The following ABLIM3 variants were observed in gnomAD, a reference collection of about 807,000 sequenced individuals.
ABLIM3 encodes actin-binding LIM protein 3.
A neutral mutation model predicts 109.5 loss-of-function variants in ABLIM3; 61 were observed. The ratio of observed to expected loss-of-function variants is 0.56; its 90% CI spans 0.45 to 0.69. The LOEUF (loss-of-function observed/expected upper bound fraction) is 0.69, where lower values mean the gene tolerates loss of function less well. ABLIM3 is among the 30% of genes least tolerant of loss of function. The pLI is 0.00. For missense variants in ABLIM3, 796 were observed against 889.5 expected, an observed-to-expected ratio of 0.89 and a Z score of 1.34; for synonymous variants, 300 against 324.8, an observed-to-expected ratio of 0.92 and a Z score of 0.82.
At position 149,175,620 on chromosome 5, in the gene ABLIM3, G is replaced by C. The variant is rs547411853; in HGVS notation, c.14-7832G>C. Among the ~76,000 whole-genome samples the C allele has an allele frequency of 7.2e-5, 11 of 152,246 alleles. No individual in the cohort carries two copies. The East Asian group carries it at 1.2e-3, about 16-fold the overall frequency. On this transcript the variant is annotated intron_variant, in intron 2 of 23. Coordinates refer to ENST00000309868, the MANE Select transcript of ABLIM3 (RefSeq NM_014945.5). ...AGGAGGAAAGAAGAGAGGAAGGAGG[G>C]GCGGGCAATCCGGCAGCTGAAACTT...
At chr5:149,166,525 T>G (rs1185705806) in intron 2 of ABLIM3, among the ~76,000 whole-genome samples, 1 of 152,224 alleles carries the variant, frequency 6.6e-6, no homozygotes, top group Non-Finnish European at 1.5e-5. Flanking sequence ...CCCAGTATGT[T>G]AGAGAATTAG....
chr5:149,250,913 G>A (rs894817790), intron 20 of ABLIM3, among the ~76,000 whole-genome samples: 3 of 152,168 alleles, frequency 2.0e-5, no homozygotes, highest in Non-Finnish European at 2.9e-5. Context: ...GCCCAGGCCA[G>A]CTGATCCCAC....
At position 149,202,265 on chromosome 5, in the gene ABLIM3, C is replaced by T. The variant is rs79455066; in HGVS notation, c.448+1837C>T. Reference sequence around the variant, plus strand: ...AAGAGAGGCTCCCAAATGTGTCCACCATAATTTGGATGATTAGGAGGTGGA... The same window carrying T: ...AAGAGAGGCTCCCAAATGTGTCCACTATAATTTGGATGATTAGGAGGTGGA... On this transcript the variant is annotated intron_variant, in intron 5 of 23. Transcript: ENST00000309868. 6.9e-3 allele frequency among the ~76,000 whole-genome samples: 1,045 copies of T among 152,206 alleles called. 8 individuals are homozygous for T. The highest frequency in any genetic ancestry group is 0.024 in the African/African-American group (999 of 41,524).
Position 149,250,486 on chromosome 5 carries a change from G to A in ABLIM3, c.1769G>A (p.Arg590Gln), listed in dbSNP as rs1486755235. The change falls in exon 20 of 24, where the codon CGA (arginine) becomes CAA (glutamine). Residue 590 changes from arginine (R) to glutamine (Q), a missense_variant. Coordinates refer to ENST00000309868, the MANE Select transcript of ABLIM3 (RefSeq NM_014945.5). ...AAATCTGCCTCCCTGCCTGCCTACC[G>A]AAGAAATGGGCTGCACAGGGTAAGA... ...ISKSASLPAY[R>Q]RNGLHRTPSA... 6.2e-6 allele frequency: 10 copies of A among 1,614,178 alleles called. No homozygotes were observed. The highest frequency in any genetic ancestry group is 1.3e-5 in the African/African-American group (1 of 75,056).
chr5:149,200,528 T>A, intron 5 of ABLIM3, 100 bp downstream of exon 5: 1 of 1,278,958 alleles, frequency 7.8e-7, no homozygotes, highest in African/African-American at 1.5e-5. Flanking sequence ...TGGAGGGAAG[T>A]GGGAGAGGTT....
At chr5:149,226,718 C>T (rs955903789) in intron 8 of ABLIM3, among the ~76,000 whole-genome samples, 1 of 152,152 alleles carries the variant, frequency 6.6e-6, no homozygotes, top group African/African-American at 2.4e-5. Flanking sequence ...TACTTGTAAC[C>T]TCTAGAATGC....
intron 13 of ABLIM3, chr5:149,240,452 T>A (rs546184157): frequency 1.7e-6 from 1 of 580,510 alleles, no homozygotes; most frequent in African/African-American, 1.9e-5. Flanking sequence ...TCACAAAATC[T>A]GACTTTGGGA....
chr5:149,212,591 A>G (rs1561593063), intron 7 of ABLIM3, among the ~76,000 whole-genome samples: 2 of 152,206 alleles, frequency 1.3e-5, no homozygotes, highest in Non-Finnish European at 2.9e-5. Context: ...GCCCAGCCCT[A>G]TGGAAGTAGA....
At position 149,171,278 on chromosome 5, in the gene ABLIM3, T is replaced by G. The variant is rs1267963960; in HGVS notation, c.14-12174T>G. On this transcript the variant is annotated intron_variant, in intron 2 of 23. Coordinates refer to ENST00000309868, the MANE Select transcript of ABLIM3 (RefSeq NM_014945.5). ...CTTTACATCTCCACACTGTTTAGTC[T>G]CATTTTATTAGTAGTATTACTATCA... 2.0e-5 allele frequency among the ~76,000 whole-genome samples: 3 copies of G among 152,360 alleles called. No individual in the cohort carries two copies. The East Asian group carries it at 5.8e-4, about 29-fold the overall frequency.
At chr5:149,180,847 A>T (rs1195151494) in intron 2 of ABLIM3, among the ~76,000 whole-genome samples, 1 of 152,104 alleles carries the variant, frequency 6.6e-6, no homozygotes, top group Non-Finnish European at 1.5e-5. Context: ...CATTCCCCTC[A>T]CTTTGATTTT....
rs1303804689 is a variant in ABLIM3 at position 149,221,547 on chromosome 5, G to A, written c.757+4501G>A. 3.4e-4 allele frequency among the ~76,000 whole-genome samples: 51 copies of A among 152,112 alleles called. 1 individual carries two copies. The highest frequency in any genetic ancestry group is 3.3e-3 in the Admixed American group (51 of 15,278). On this transcript the variant is annotated intron_variant, in intron 8 of 23. Transcript: ENST00000309868. ...GTCTGTCTGGAGGAGAACTTCTGGG[G>A]CCCCAGGAGACAAGAGCAAGTTTTA...
At chr5:149,244,698 A>C in intron 15 of ABLIM3, 183 bp from the exon 16 acceptor site, 1 of 694,448 alleles carries the variant, frequency 1.4e-6, no homozygotes. Flanking sequence ...TAAATGCAAA[A>C]TGAGGGTTTG....
intron 6 of ABLIM3, among the ~76,000 whole-genome samples, chr5:149,208,050 T>G (rs1759172555): frequency 6.6e-6 from 1 of 152,242 alleles, no homozygotes; most frequent in South Asian, 2.1e-4. Flanking sequence ...GCAGCACACA[T>G]GCTTCTGCTG....
intron 2 of ABLIM3, among the ~76,000 whole-genome samples, chr5:149,157,043 G>T (rs1272554682): frequency 6.6e-6 from 1 of 152,218 alleles, no homozygotes; most frequent in Non-Finnish European, 1.5e-5. Context: ...ATCACAAGGG[G>T]TGTTACTTCA....
intron 4 of ABLIM3, 29 bp from the exon 5 acceptor site, chr5:149,200,286 TG>T: frequency 1.3e-6 from 2 of 1,582,598 alleles, no homozygotes; most frequent in Non-Finnish European, 1.7e-6. Context: ...GAAGAGGGTG[TG>T]TTGAATTTCT....
At chr5:149,209,097 G>A (rs1429432942) in intron 6 of ABLIM3, among the ~76,000 whole-genome samples, 1 of 152,184 alleles carries the variant, frequency 6.6e-6, no homozygotes, top group South Asian at 2.1e-4. Context: ...AGCTCTCGAT[G>A]CCATGCTAGC....
In ABLIM3 at chr5:149,250,521, G is replaced by A; in HGVS notation, c.1788+16G>A. Reference sequence around the variant, plus strand: ...GCTGCACAGGGTAAGAAGCTGTGCTGGAGGATGGGGGAGGACGTTGTCCCC... The same window carrying A: ...GCTGCACAGGGTAAGAAGCTGTGCTAGAGGATGGGGGAGGACGTTGTCCCC... On this transcript the variant is annotated intron_variant, in intron 20 of 23. Coordinates refer to ENST00000309868, the MANE Select transcript of ABLIM3 (RefSeq NM_014945.5). 6.2e-7 allele frequency: 1 copy of A among 1,614,062 alleles called. No homozygotes were observed. The highest frequency in any genetic ancestry group is 8.5e-7 in the Non-Finnish European group (1 of 1,179,922).
intron 4 of ABLIM3, among the ~76,000 whole-genome samples, chr5:149,199,724 G>T (rs1431234192): frequency 6.6e-6 from 1 of 152,234 alleles, no homozygotes; most frequent in South Asian, 2.1e-4. Context: ...CTGCATGGGC[G>T]AGAACAGCTC....
intron 3 of ABLIM3, among the ~76,000 whole-genome samples, chr5:149,192,085 G>A (rs985661613): frequency 6.6e-6 from 1 of 152,114 alleles, no homozygotes; most frequent in African/African-American, 2.4e-5. Flanking sequence ...ATAGTAAAAT[G>A]CTGAAGGCAT....
Sources: allele counts gnomAD v4.1 joint callset (sites outside exome capture counted in the v4.1 genomes callset), GRCh38; gene constraint gnomAD v4.1.1; transcripts MANE v1.5; gene names NCBI Gene and HGNC (gene_info 2026-07-23, HGNC 2026-07-21).